NXPH2: variants seen among roughly 807,000 people sequenced by gnomAD.
The protein encoded by NXPH2 is neurexophilin 2.
A neutral mutation model predicts 19.8 loss-of-function variants in NXPH2; 5 were observed. That is an observed-to-expected ratio of 0.25 (90% CI 0.13 to 0.53). The LOEUF (loss-of-function observed/expected upper bound fraction) is 0.53. NXPH2 is among the 20% of genes least tolerant of loss of function. The pLI is 0.96. For missense variants in NXPH2, 289 were observed against 322.8 expected (o/e 0.90, Z 0.80); for synonymous variants, 154 against 127.4 (o/e 1.21, Z -1.41).
intron 1 of NXPH2, among the ~76,000 whole-genome samples, chr2:138,725,639 C>T (rs1681344708): frequency 6.6e-6 from 1 of 152,088 alleles, no homozygotes; most frequent in African/African-American, 2.4e-5. Context: ...ATTGTAGATG[C>T]ACTGATTTTT....
intron 1 of NXPH2, among the ~76,000 whole-genome samples, chr2:138,718,475 A>G (rs536961291): frequency 6.6e-6 from 1 of 152,318 alleles, no homozygotes; most frequent in African/African-American, 2.4e-5. Context: ...ATTTTTATGT[A>G]ATATTTTCAA....
At chr2:138,671,909 T>G (rs574909500) in intron 1 of NXPH2, among the ~76,000 whole-genome samples, 2 of 152,324 alleles carry the variant, frequency 1.3e-5, no homozygotes, top group Admixed American at 1.3e-4. Flanking sequence ...TTTAATGGGT[T>G]GATGTGATTT....
In NXPH2 at chr2:138,671,374, C is replaced by T. The variant is rs1273808165; in HGVS notation, c.343G>A (p.Gly115Ser). Reference sequence around the variant, plus strand: ...GTTTTAATGTTGGAATGAAAGTCACCCCATCCAAACATTTTCTTAAATTTT... The same window carrying T: ...GTTTTAATGTTGGAATGAAAGTCACTCCATCCAAACATTTTCTTAAATTTT... Reference protein sequence around the residue: ...TGKFKKMFGWGDFHSNIKTVK... With the variant: ...TGKFKKMFGWSDFHSNIKTVK... The change falls in exon 2 of 2, where the codon GGT becomes AGT. Residue 115 changes from glycine (G) to serine (S), a missense_variant. Coordinates refer to ENST00000272641, the MANE Select transcript of NXPH2 (RefSeq NM_007226.3). 6.2e-7 allele frequency: 1 copy of T among 1,613,858 alleles called. No homozygotes were observed. The highest frequency in any genetic ancestry group is 1.1e-5 in the South Asian group (1 of 91,066).
chr2:138,707,302 A>C (rs1681031940), intron 1 of NXPH2, among the ~76,000 whole-genome samples: 1 of 152,140 alleles, frequency 6.6e-6, no homozygotes, highest in Non-Finnish European at 1.5e-5. Context: ...AGATATGGCC[A>C]TACCAATGTG....
At chr2:138,681,162 A>T (rs1680575204) in intron 1 of NXPH2, among the ~76,000 whole-genome samples, 1 of 152,136 alleles carries the variant, frequency 6.6e-6, no homozygotes, top group African/African-American at 2.4e-5. Flanking sequence ...TATAATATGT[A>T]TTAGTGCTAC....
At chr2:138,711,906 C>T (rs1411980839) in intron 1 of NXPH2, among the ~76,000 whole-genome samples, 1 of 152,210 alleles carries the variant, frequency 6.6e-6, no homozygotes, top group Non-Finnish European at 1.5e-5. Context: ...TGGTCTGGCA[C>T]AGTTTGTACC....
chr2:138,779,047 A>G (rs1359496515), intron 1 of NXPH2, among the ~76,000 whole-genome samples: 1 of 152,224 alleles, frequency 6.6e-6, no homozygotes, highest in Non-Finnish European at 1.5e-5. Context: ...TATCATACAT[A>G]TCATAAACTT....
intron 1 of NXPH2, among the ~76,000 whole-genome samples, chr2:138,715,218 A>G (rs1681175623): frequency 6.6e-6 from 1 of 152,218 alleles, no homozygotes; most frequent in South Asian, 2.1e-4. Context: ...AATATTTATT[A>G]TCTATTAAGT....
chr2:138,670,795 A>G lies in NXPH2; in HGVS notation c.*127T>C. ...TCTTTTTCTTTTTTTAAATTTGAAA[A>G]CCTGATAGGGAACTATTGTTCACTG... On this transcript the variant is annotated 3_prime_UTR_variant, in exon 2 of 2. Coordinates refer to ENST00000272641, the MANE Select transcript of NXPH2 (RefSeq NM_007226.3). 7.1e-6 allele frequency: 7 copies of G among 982,598 alleles called. No homozygotes were observed. The highest frequency in any genetic ancestry group is 1.0e-5 in the Non-Finnish European group (7 of 703,424). The allele number at this position is 982,598 out of a possible 1,614,324, so 60.9% of individuals were successfully genotyped here. A position where few individuals can be genotyped will look rare whatever the true frequency, so the allele number is the denominator to read the frequency against.
At chr2:138,731,100 T>C (rs1015356848) in intron 1 of NXPH2, among the ~76,000 whole-genome samples, 1 of 152,212 alleles carries the variant, frequency 6.6e-6, no homozygotes, top group Admixed American at 6.5e-5. Flanking sequence ...TATTTATCAT[T>C]ATTTACTTCT....
At chr2:138,728,998 A>C (rs1490138104) in intron 1 of NXPH2, among the ~76,000 whole-genome samples, 4 of 152,220 alleles carry the variant, frequency 2.6e-5, no homozygotes, top group Admixed American at 2.0e-4. Flanking sequence ...CAAATAGATT[A>C]GGATTTTGCT....
intron 1 of NXPH2, among the ~76,000 whole-genome samples, chr2:138,701,232 G>A (rs185898577): frequency 2.0e-5 from 3 of 152,202 alleles, no homozygotes; most frequent in Admixed American, 1.3e-4. Flanking sequence ...CTTGTTTTAC[G>A]ATAAAGGTCA....
At chr2:138,747,396 A>G (rs1681755593) in intron 1 of NXPH2, among the ~76,000 whole-genome samples, 1 of 152,106 alleles carries the variant, frequency 6.6e-6, no homozygotes, top group Admixed American at 6.6e-5. Context: ...CTGTGCTTTG[A>G]CACTAACTGG....
At chr2:138,760,218 C>T (rs1015519278) in intron 1 of NXPH2, among the ~76,000 whole-genome samples, 1 of 152,092 alleles carries the variant, frequency 6.6e-6, no homozygotes, top group Non-Finnish European at 1.5e-5. Flanking sequence ...GGTGACAGAA[C>T]AATAAGATAA....
intron 1 of NXPH2, among the ~76,000 whole-genome samples, chr2:138,692,335 T>C (rs1276419934): frequency 6.6e-6 from 1 of 152,196 alleles, no homozygotes; most frequent in Non-Finnish European, 1.5e-5. Flanking sequence ...CAGCGAAACA[T>C]CAATGCTTGT....
At chr2:138,750,242 C>G (rs896756612) in intron 1 of NXPH2, among the ~76,000 whole-genome samples, 2 of 152,048 alleles carry the variant, frequency 1.3e-5, no homozygotes, top group Non-Finnish European at 2.9e-5. Context: ...ATACTATGCT[C>G]AAAGAAGCAT....
chr2:138,671,817 C>T (rs1573947950), intron 1 of NXPH2, among the ~76,000 whole-genome samples, 152 bp from the exon 2 acceptor site: 1 of 152,250 alleles, frequency 6.6e-6, no homozygotes, highest in South Asian at 2.1e-4. Context: ...AACAGTGTAA[C>T]AAGATAAGCA....
At chr2:138,779,781 A>G (rs932960303) in intron 1 of NXPH2, among the ~76,000 whole-genome samples, 1 of 152,108 alleles carries the variant, frequency 6.6e-6, no homozygotes, top group Admixed American at 6.5e-5. Flanking sequence ...ATCTGGGCAA[A>G]ACACCACGTG....
chr2:138,728,090 C>A (rs1222131322), intron 1 of NXPH2, among the ~76,000 whole-genome samples: 2 of 152,058 alleles, frequency 1.3e-5, no homozygotes, highest in African/African-American at 4.8e-5. Context: ...TGTTTGAAGA[C>A]AGAGCCCTTA....
Sources: allele counts gnomAD v4.1 joint callset (sites outside exome capture counted in the v4.1 genomes callset), GRCh38; gene constraint gnomAD v4.1.1; transcripts MANE v1.5; gene names NCBI Gene and HGNC (gene_info 2026-07-23, HGNC 2026-07-21).